Variants in SLC9A9 observed in about 807,000 individuals in gnomAD.
SLC9A9 encodes the protein solute carrier family 9 member A9.
Under a neutral mutation model 77.8 loss-of-function variants are expected in SLC9A9, and 62 were observed. That is an observed-to-expected ratio of 0.80 (90% CI 0.65 to 0.98). The LOEUF is 0.98. Among genes scored for constraint, SLC9A9 ranks in the 50% least tolerant of loss-of-function variants. The pLI, the probability that SLC9A9 is intolerant of heterozygous loss-of-function variation, is 0.00. For missense variants in SLC9A9, 775 were observed against 774.9 expected, an observed-to-expected ratio of 1.00 and a Z score of 0.00; for synonymous variants, 320 against 283.5, an observed-to-expected ratio of 1.13 and a Z score of -1.29.
At chr3:143,468,050 C>T (rs1441773852) in intron 11 of SLC9A9, among the ~76,000 whole-genome samples, 1 of 152,126 alleles carries the variant, frequency 6.6e-6, no homozygotes, top group Non-Finnish European at 1.5e-5. Flanking sequence ...GGGTGTTCTA[C>T]AGTTTGTTTA....
Position 143,728,575 on chromosome 3 carries a change from A to T in SLC9A9, c.534-35268T>A, listed in dbSNP as rs115869900. On this transcript the variant is annotated intron_variant, in intron 4 of 15. Coordinates refer to ENST00000316549, the MANE Select transcript of SLC9A9 (RefSeq NM_173653.4). Reference sequence around the variant, plus strand: ...TCTGAAATGCAAGAGAAGGCATGGAATTTCAAGCAGCATGGGAAGGTGTGT... The same window carrying T: ...TCTGAAATGCAAGAGAAGGCATGGATTTTCAAGCAGCATGGGAAGGTGTGT... Among the ~76,000 whole-genome samples the T allele has an allele frequency of 5.7e-3, 863 of 152,190 alleles. 4 individuals are homozygous for T. Among genetic ancestry groups the T allele is most frequent in the African/African-American group, 0.019 (803 of 41,540 alleles).
chr3:143,595,428 G>GT (rs2037737317), intron 6 of SLC9A9, among the ~76,000 whole-genome samples: 1 of 152,154 alleles, frequency 6.6e-6, no homozygotes, highest in Admixed American at 6.5e-5. Flanking sequence ...GAAGAGAATG[G>GT]TATCTCCCTT....
chr3:143,509,369 G>C (rs955510958), intron 9 of SLC9A9, among the ~76,000 whole-genome samples: 3 of 152,108 alleles, frequency 2.0e-5, no homozygotes, highest in Non-Finnish European at 4.4e-5. Flanking sequence ...ACTGACTGTA[G>C]ATTGTCAATG....
rs535152467 is a variant in SLC9A9 at position 143,813,745 on chromosome 3, T to C, written c.379-16842A>G. Among the ~76,000 whole-genome samples the C allele has an allele frequency of 2.0e-5, 3 of 152,346 alleles. No individual in the cohort carries two copies. In the South Asian group the frequency reaches 6.2e-4, roughly 32 times the overall value. Reference sequence around the variant, plus strand: ...TTTATCCGCTGGCTACAACATGAGGTAGGCAAAAGAGACAATGAATTAACC... The same window carrying C: ...TTTATCCGCTGGCTACAACATGAGGCAGGCAAAAGAGACAATGAATTAACC... On this transcript the variant is annotated intron_variant, in intron 2 of 15. Coordinates refer to ENST00000316549, the MANE Select transcript of SLC9A9 (RefSeq NM_173653.4).
At chr3:143,522,777 A>G (rs1337592995) in intron 9 of SLC9A9, among the ~76,000 whole-genome samples, 2 of 152,152 alleles carry the variant, frequency 1.3e-5, no homozygotes, top group East Asian at 3.8e-4. Flanking sequence ...TTGCCACCTC[A>G]TGCCGTTATA....
intron 2 of SLC9A9, among the ~76,000 whole-genome samples, chr3:143,806,815 C>A (rs1473244746): frequency 6.6e-6 from 1 of 151,478 alleles, no homozygotes; most frequent in Non-Finnish European, 1.5e-5. Flanking sequence ...TTTGAGAGCA[C>A]AACAAGGTAT....
chr3:143,270,842 A>G (rs1039768725), intron 14 of SLC9A9, among the ~76,000 whole-genome samples: 2 of 152,236 alleles, frequency 1.3e-5, no homozygotes, highest in Non-Finnish European at 2.9e-5. Flanking sequence ...TGAGGTTATT[A>G]TCTCTTTAAA....
intron 5 of SLC9A9, among the ~76,000 whole-genome samples, chr3:143,669,763 C>T (rs1293327047): frequency 6.6e-6 from 1 of 152,186 alleles, no homozygotes; most frequent in Non-Finnish European, 1.5e-5. Flanking sequence ...CTTGAGCAGG[C>T]TACTTAACCT....
Position 143,337,917 on chromosome 3 carries a change from A to C in SLC9A9, c.1604+25567T>G, listed in dbSNP as rs2031976803. Among the ~76,000 whole-genome samples, 5 of 152,322 alleles carry C rather than the reference A, an allele frequency of 3.3e-5. No homozygotes were observed. In the South Asian group the frequency reaches 1.0e-3, roughly 32 times the overall value. ...CTGGAGTGGCACCAGTCATGGTCCC[A>C]CAGTGGAGAGTAACATGCTTTTAGC... On this transcript the variant is annotated intron_variant, in intron 14 of 15. Coordinates refer to ENST00000316549, the MANE Select transcript of SLC9A9 (RefSeq NM_173653.4).
At chr3:143,581,178 G>A (rs1415009325) in intron 6 of SLC9A9, among the ~76,000 whole-genome samples, 4 of 152,190 alleles carry the variant, frequency 2.6e-5, no homozygotes, top group South Asian at 2.1e-4. Flanking sequence ...ATCAGACAGA[G>A]ATGGGGAGAG....
At chr3:143,491,393 C>T (rs2108588898) in intron 11 of SLC9A9, among the ~76,000 whole-genome samples, 1 of 152,234 alleles carries the variant, frequency 6.6e-6, no homozygotes. Context: ...TAGTTCACAA[C>T]TCTGCCACTG....
intron 5 of SLC9A9, among the ~76,000 whole-genome samples, chr3:143,675,646 A>T (rs1448945047): frequency 6.6e-6 from 1 of 152,184 alleles, no homozygotes; most frequent in Non-Finnish European, 1.5e-5. Flanking sequence ...ACACAATATC[A>T]TACTGAGTTT....
At chr3:143,652,448 G>A (rs903387550) in intron 5 of SLC9A9, 88 bp from the exon 6 acceptor site, 6 of 928,752 alleles carry the variant, frequency 6.5e-6, no homozygotes, top group Non-Finnish European at 1.0e-5. Flanking sequence ...AAACATTAAT[G>A]AAATGCTCAT....
At chr3:143,344,987 A>G (rs1034409581) in intron 14 of SLC9A9, among the ~76,000 whole-genome samples, 2 of 152,202 alleles carry the variant, frequency 1.3e-5, no homozygotes, top group African/African-American at 2.4e-5. Context: ...GATGATTTCC[A>G]TAATAACTGG....
At chr3:143,684,963 T>C (rs1182606913) in intron 5 of SLC9A9, among the ~76,000 whole-genome samples, 1 of 152,128 alleles carries the variant, frequency 6.6e-6, no homozygotes, top group Non-Finnish European at 1.5e-5. Context: ...ATTAATACTG[T>C]ATTTGTATTT....
At chr3:143,367,552 G>A (rs2032945492) in intron 13 of SLC9A9, among the ~76,000 whole-genome samples, 1 of 152,196 alleles carries the variant, frequency 6.6e-6, no homozygotes. Context: ...TTAGTCTAGT[G>A]TGTGCTCTGC....
chr3:143,510,202 G>A (rs958385233), intron 9 of SLC9A9, among the ~76,000 whole-genome samples: 2 of 152,112 alleles, frequency 1.3e-5, no homozygotes, highest in Non-Finnish European at 1.5e-5. Context: ...TTGCAAAAAT[G>A]TATATCCAAA....
At chr3:143,767,720 A>G (rs2007372625) in intron 4 of SLC9A9, among the ~76,000 whole-genome samples, 1 of 152,180 alleles carries the variant, frequency 6.6e-6, no homozygotes, top group Non-Finnish European at 1.5e-5. Context: ...AAAGTTCAAT[A>G]CATGTTTAAA....
chr3:143,656,697 G>A (rs1410358059), intron 5 of SLC9A9, among the ~76,000 whole-genome samples: 5 of 152,266 alleles, frequency 3.3e-5, no homozygotes, highest in Non-Finnish European at 5.9e-5. Context: ...GTCCTCCTAC[G>A]TTGTCATTCA....
Sources: gnomAD v4.1 joint callset for allele counts (sites outside exome capture counted in the v4.1 genomes callset) on GRCh38, gnomAD v4.1.1 for gene constraint, MANE v1.5 for transcripts, NCBI Gene and HGNC (gene_info 2026-07-23, HGNC 2026-07-21) for gene names.